PATL1: variants seen among roughly 807,000 people sequenced by gnomAD.
The protein encoded by PATL1 is PAT1 homolog 1, processing body mRNA decay factor.
In PATL1, 32 loss-of-function variants were observed where a neutral mutation model predicts 100.6. The ratio of observed to expected loss-of-function variants is 0.32; its 90% confidence interval spans 0.24 to 0.43. PATL1 has a LOEUF of 0.43. Ranked by LOEUF, PATL1 falls within the 20% of genes least tolerant of loss-of-function variation. The pLI, the probability that PATL1 is intolerant of heterozygous loss-of-function variation, is 1.00. For missense variants in PATL1, 747 were observed against 949.9 expected, an observed-to-expected ratio of 0.79 and a Z score of 2.81; for synonymous variants, 332 against 330.0, an observed-to-expected ratio of 1.01 and a Z score of -0.07.
intron 1 of PATL1, 23 bp downstream of exon 1, chr11:59,668,858 C>G: frequency 4.6e-6 from 6 of 1,313,826 alleles, no homozygotes; most frequent in Non-Finnish European, 6.2e-6. Flanking sequence ...AGGGAGGGGT[C>G]ACTTCCGGTC....
At chr11:59,646,606 T>G (rs1861369023) in intron 15 of PATL1, among the ~76,000 whole-genome samples, 2 of 152,240 alleles carry the variant, frequency 1.3e-5, no homozygotes, top group African/African-American at 4.8e-5. Context: ...ATAATTTCCC[T>G]TTCATAGCAT....
At chr11:59,654,686 C>T (rs1861499959) in intron 8 of PATL1, among the ~76,000 whole-genome samples, 1 of 152,048 alleles carries the variant, frequency 6.6e-6, no homozygotes, top group African/African-American at 2.4e-5. Flanking sequence ...GTTTAACGTA[C>T]TCAGCTTCAA....
At chr11:59,662,888 G>A (rs190098833) in intron 2 of PATL1, among the ~76,000 whole-genome samples, 1 of 152,152 alleles carries the variant, frequency 6.6e-6, no homozygotes, top group East Asian at 1.9e-4. Context: ...TATTGGTTAA[G>A]TCGCCATATT....
intron 2 of PATL1, 132 bp from the exon 3 acceptor site, chr11:59,659,601 G>T (rs560619383): frequency 2.6e-6 from 2 of 781,884 alleles, no homozygotes; most frequent in Non-Finnish European, 2.0e-6. Flanking sequence ...GCGTGATCTC[G>T]GCTCACCGCA....
At chr11:59,659,792 G>A (rs1162378222) in intron 2 of PATL1, among the ~76,000 whole-genome samples, 3 of 151,856 alleles carry the variant, frequency 2.0e-5, no homozygotes, top group Admixed American at 6.6e-5. Flanking sequence ...CACCCATCTC[G>A]GCCTCCCAAA....
chr11:59,642,715 G>A lies in PATL1; in HGVS notation c.2049+165C>T, dbSNP rs1861303606. The A allele has an allele frequency of 1.4e-5, 10 of 709,568 alleles. No individual in the cohort carries two copies. In the South Asian group the frequency reaches 2.3e-4, roughly 16 times the overall value. 44.0% of individuals were successfully genotyped at this position (709,568 alleles called of 1,614,324 possible). Reference sequence around the variant, plus strand: ...CACTAGACACATAAAATCCCATTTTGTTGAAAACACTGTTATTTCTAGCCG... The same window carrying A: ...CACTAGACACATAAAATCCCATTTTATTGAAAACACTGTTATTTCTAGCCG... On this transcript the variant is annotated intron_variant, in intron 16 of 18. Coordinates refer to ENST00000300146, the MANE Select transcript of PATL1 (RefSeq NM_152716.3).
chr11:59,639,265 A>G (rs761052409), intron 17 of PATL1, 27 bp downstream of exon 17: 11 of 1,566,304 alleles, frequency 7.0e-6, no homozygotes, highest in Non-Finnish European at 9.5e-6. Flanking sequence ...AGAACTTAAA[A>G]TAAGAGAAGA....
At chr11:59,643,526 T>C (rs1429972782) in intron 15 of PATL1, among the ~76,000 whole-genome samples, 3 of 151,796 alleles carry the variant, frequency 2.0e-5, no homozygotes, top group South Asian at 2.1e-4. Flanking sequence ...CTGGACAACG[T>C]AGTGAGACCT....
intron 5 of PATL1, 30 bp from the exon 6 acceptor site, chr11:59,656,630 C>T (rs758077402): frequency 1.3e-6 from 2 of 1,585,122 alleles, no homozygotes; most frequent in South Asian, 2.2e-5. Context: ...TACAACTACA[C>T]TCAATGAAAT....
rs763205711 is a variant in PATL1, at chr11:59,643,039, C to CA, written c.1894-5dup. ...GACTCAGTAAGCATGGCAGCACCTA[C>CA]AAAAAACAAATAAAAGCATTATATC... On this transcript the variant is annotated splice_region_variant and splice_polypyrimidine_tract_variant and intron_variant, in intron 15 of 18. Coordinates refer to ENST00000300146, the MANE Select transcript of PATL1 (RefSeq NM_152716.3). 1.9e-6 allele frequency: 3 copies of CA among 1,612,408 alleles called. No homozygotes were observed. Among genetic ancestry groups the CA allele is most frequent in the Non-Finnish European group, 2.5e-6 (3 of 1,179,340 alleles).
At chr11:59,657,445 C>T (rs1861551710) in intron 5 of PATL1, 85 bp downstream of exon 5, 4 of 1,273,686 alleles carry the variant, frequency 3.1e-6, no homozygotes, top group Non-Finnish European at 4.2e-6. Context: ...AAAATTTCCA[C>T]CCTCCACCCA....
intron 3 of PATL1, 68 bp downstream of exon 3, chr11:59,659,184 G>T: frequency 7.5e-7 from 1 of 1,331,142 alleles, no homozygotes; most frequent in South Asian, 1.3e-5. Context: ...AAAATAAAAT[G>T]GCAAAGTTCA....
At position 59,647,851 on chromosome 11, in the gene PATL1, C is replaced by T. The variant is rs753260570; in HGVS notation, c.1796G>A (p.Arg599His). The change falls in exon 15 of 19, where the codon CGT (arginine) becomes CAT (histidine). Residue 599 changes from arginine to histidine, a missense_variant. This residue lies in a region of PATL1 where 434 missense variants were observed against 596.1 expected (regional missense o/e 0.73). Coordinates refer to ENST00000300146, the MANE Select transcript of PATL1 (RefSeq NM_152716.3). ...CIRKGKRMVA[R>H]ILPFLSTEQA... ...CTCTGTGGAGAGGAAAGGAAGAATA[C>T]GGGCAACCATTCTCTTCCCTTTTCG... 1.9e-6 allele frequency: 3 copies of T among 1,613,774 alleles called. No individual in the cohort carries two copies. Among genetic ancestry groups the T allele is most frequent in the Non-Finnish European group, 1.7e-6 (2 of 1,179,756 alleles).
At chr11:59,662,838 A>T (rs1202469373) in intron 2 of PATL1, among the ~76,000 whole-genome samples, 1 of 152,190 alleles carries the variant, frequency 6.6e-6, no homozygotes, top group Non-Finnish European at 1.5e-5. Context: ...CCTATCAAAT[A>T]TGGATAATCT....
At position 59,666,955 on chromosome 11, in the gene PATL1, C is replaced by T. The variant is rs745662061; in HGVS notation, c.25G>A (p.Asp9Asn). The change falls in exon 2 of 19, where the codon GAT becomes AAT. Residue 9 changes from aspartate (D) to asparagine (N), a missense_variant. Asp to Asn is a conservative substitution (Grantham distance 23). Transcript: ENST00000300146. MFRYESLE[D>N]CPLDEDEDAF... The stretch of plus-strand genomic sequence containing the variant: ...TCTTCATCTTCATCCAGAGGACAAT[C>T]CTCCAAAGACTAAAAAAAAAGAAAA... 9.7e-6 allele frequency: 15 copies of T among 1,542,138 alleles called. No homozygotes were observed. The highest frequency in any genetic ancestry group is 1.2e-5 in the Non-Finnish European group (14 of 1,144,496).
intron 6 of PATL1, 25 bp from the exon 7 acceptor site, chr11:59,656,070 AAAG>A: frequency 7.9e-7 from 1 of 1,259,580 alleles, no homozygotes; most frequent in African/African-American, 1.5e-5. Flanking sequence ...AAAAAAAAAA[AAAG>A]AATATGCTAT....
At chr11:59,665,854 C>T (rs1861679998) in intron 2 of PATL1, among the ~76,000 whole-genome samples, 2 of 149,026 alleles carry the variant, frequency 1.3e-5, no homozygotes, top group East Asian at 4.4e-4. Context: ...ACTTGTTCTA[C>T]ACCTGTTCTA....
chr11:59,655,493 C>A (rs1294864056), intron 8 of PATL1, 30 bp downstream of exon 8: 11 of 1,497,972 alleles, frequency 7.3e-6, no homozygotes, highest in Non-Finnish European at 9.9e-6. Context: ...TGGCTGATAA[C>A]TGATAAACAG....
At chr11:59,654,489 T>G (rs1378160763) in intron 8 of PATL1, among the ~76,000 whole-genome samples, 1 of 82,428 alleles carries the variant, frequency 1.2e-5, no homozygotes, top group South Asian at 3.8e-4. Context: ...TCAAAAACAT[T>G]AAAAAAAAAA....
Sources: allele counts gnomAD v4.1 joint callset (sites outside exome capture counted in the v4.1 genomes callset), GRCh38; gene constraint gnomAD v4.1.1; regional missense constraint gnomAD v4.1.1; transcripts MANE v1.5; gene names NCBI Gene and HGNC (gene_info 2026-07-23, HGNC 2026-07-21).